Variants in C2CD5 observed in about 807,000 individuals in gnomAD.
C2CD5 encodes the protein C2 domain-containing protein 5.
In C2CD5, 109 loss-of-function variants were observed where a neutral mutation model predicts 130.3. That is an observed-to-expected ratio of 0.84 (90% CI 0.72 to 0.98). C2CD5 has a LOEUF of 0.98. C2CD5 is among the 50% of genes least tolerant of loss of function. The pLI, the probability that C2CD5 is intolerant of heterozygous loss-of-function variation, is 0.00. For synonymous variants in C2CD5, 454 were observed against 429.2 expected (o/e 1.06, Z -0.71); for missense variants, 996 against 1,261.8 (o/e 0.79, Z 3.19).
chr12:22,507,234 G>A (rs1428885574), intron 9 of C2CD5, among the ~76,000 whole-genome samples: 2 of 152,124 alleles, frequency 1.3e-5, no homozygotes, highest in African/African-American at 4.8e-5. Context: ...TAAGACACTG[G>A]TAAAGACTCT....
intron 25 of C2CD5, among the ~76,000 whole-genome samples, chr12:22,454,608 T>C (rs936869047): frequency 6.6e-6 from 1 of 151,792 alleles, no homozygotes; most frequent in Non-Finnish European, 1.5e-5. Flanking sequence ...CATTCACTCC[T>C]TGGTCCCAAC....
intron 16 of C2CD5, among the ~76,000 whole-genome samples, chr12:22,474,131 T>C (rs1943481288): frequency 1.3e-5 from 2 of 152,130 alleles, no homozygotes; most frequent in South Asian, 4.1e-4. Flanking sequence ...TCAACTTACA[T>C]CTTAATCATT....
chr12:22,495,214 C>A (rs979401084), intron 10 of C2CD5, among the ~76,000 whole-genome samples: 2 of 151,972 alleles, frequency 1.3e-5, no homozygotes, highest in Admixed American at 1.3e-4. Context: ...TAATTATGTA[C>A]TATGTTTTTA....
At position 22,524,746 on chromosome 12, in the gene C2CD5, T is replaced by TA. The variant is rs1194584584; in HGVS notation, c.446-120dup. 6 of 630,910 alleles carry TA rather than the reference T, an allele frequency of 9.5e-6. No homozygotes were observed. In the African/African-American group the frequency reaches 1.1e-4, roughly 12 times the overall value. 39.1% of individuals were successfully genotyped at this position (630,910 alleles called of 1,614,324 possible). On this transcript the variant is annotated intron_variant, in intron 5 of 26. Coordinates refer to ENST00000446597, the MANE Select transcript of C2CD5 (RefSeq NM_001286176.2). ...AATACAAGAACATCTTTTACTGTAA[T>TA]ATTTTCAATGTAATTATAATAATAC... is the stretch of plus-strand genomic sequence containing the variant.
intron 9 of C2CD5, among the ~76,000 whole-genome samples, chr12:22,509,653 T>A (rs745710345): frequency 1.3e-5 from 2 of 152,256 alleles, no homozygotes; most frequent in Non-Finnish European, 2.9e-5. Flanking sequence ...GTTAAGTACC[T>A]ATCATCACCA....
chr12:22,544,221 G>A (rs1291417879), intron 1 of C2CD5, 42 bp from the exon 2 acceptor site: 12 of 1,499,612 alleles, frequency 8.0e-6, no homozygotes, highest in Non-Finnish European at 9.2e-6. Flanking sequence ...GCGCGGGGCC[G>A]GCGGGAGAGG....
chr12:22,470,638 G>A (rs1056732089), intron 21 of C2CD5, among the ~76,000 whole-genome samples, 186 bp downstream of exon 21: 8 of 152,018 alleles, frequency 5.3e-5, no homozygotes, highest in Admixed American at 3.3e-4. Flanking sequence ...ACCCAGTCGC[G>A]TGTGAAAAAT....
intron 7 of C2CD5, among the ~76,000 whole-genome samples, chr12:22,520,463 A>C (rs1018632353): frequency 6.6e-6 from 1 of 152,170 alleles, no homozygotes; most frequent in South Asian, 2.1e-4. Flanking sequence ...CTGATTTTGC[A>C]ATAGGAGAAC....
In C2CD5 at chr12:22,485,131, T is replaced by C. The variant is rs181321224; in HGVS notation, c.1359-243A>G. ...TGCAAAGTCATTTTGCACCAATTTA[T>C]TTGTTTGATGACTTACCACCTGACA... On this transcript the variant is annotated intron_variant, in intron 12 of 26. Coordinates refer to ENST00000446597, the MANE Select transcript of C2CD5 (RefSeq NM_001286176.2). 2.6e-5 allele frequency among the ~76,000 whole-genome samples: 4 copies of C among 152,222 alleles called. No individual in the cohort carries two copies. In the East Asian group the frequency reaches 7.7e-4, roughly 29 times the overall value.
At chr12:22,507,912 T>C (rs1948756538) in intron 9 of C2CD5, among the ~76,000 whole-genome samples, 1 of 152,220 alleles carries the variant, frequency 6.6e-6, no homozygotes, top group African/African-American at 2.4e-5. Flanking sequence ...TTATAGTAGT[T>C]ATAAATTTTT....
At chr12:22,461,582 G>T (rs1941170699) in intron 22 of C2CD5, among the ~76,000 whole-genome samples, 1 of 152,154 alleles carries the variant, frequency 6.6e-6, no homozygotes, top group Admixed American at 6.5e-5. Context: ...GATGAATAGA[G>T]TATCTTTGAA....
intron 10 of C2CD5, 82 bp from the exon 11 acceptor site, chr12:22,493,419 A>G: frequency 1.5e-6 from 1 of 681,960 alleles, no homozygotes; most frequent in South Asian, 2.3e-5. Flanking sequence ...TAAACATACT[A>G]TGGGAAGTAA....
chr12:22,541,419 A>C (rs1467615510), intron 2 of C2CD5, among the ~76,000 whole-genome samples: 1 of 152,182 alleles, frequency 6.6e-6, no homozygotes, highest in Non-Finnish European at 1.5e-5. Flanking sequence ...AGGGCTTCTC[A>C]ATGAATTTAG....
chr12:22,471,489 C>T lies in C2CD5; in HGVS notation c.2269-1G>A. The T allele has an allele frequency of 1.3e-6, 2 of 1,535,452 alleles. No homozygotes were observed. Among genetic ancestry groups the T allele is most frequent in the Non-Finnish European group, 1.8e-6 (2 of 1,130,790 alleles). On this transcript the variant is annotated splice_acceptor_variant, in intron 19 of 26. Transcript: ENST00000446597. LOFTEE classifies it high-confidence loss of function. Reference sequence around the variant, plus strand: ...TAGATCGTAGTTTAAAGTACAGGCTCTACACAATAGAAAATATTAGTAATG... The same window carrying T: ...TAGATCGTAGTTTAAAGTACAGGCTTTACACAATAGAAAATATTAGTAATG...
chr12:22,476,360 G>T (rs1371005785), intron 15 of C2CD5, among the ~76,000 whole-genome samples: 2 of 152,064 alleles, frequency 1.3e-5, no homozygotes, highest in African/African-American at 4.8e-5. Context: ...GAGAGATTAT[G>T]CTAAAAGACT....
At chr12:22,503,957 T>C (rs1209967493) in intron 10 of C2CD5, among the ~76,000 whole-genome samples, 1 of 152,180 alleles carries the variant, frequency 6.6e-6, no homozygotes, top group Non-Finnish European at 1.5e-5. Flanking sequence ...TGGGAAATAA[T>C]CCATTAATAA....
intron 7 of C2CD5, chr12:22,519,374 A>C: frequency 1.7e-6 from 1 of 600,560 alleles, no homozygotes; most frequent in Non-Finnish European, 2.6e-6. Flanking sequence ...GCATGCAAAA[A>C]ACAAGTTGAA....
In C2CD5 at chr12:22,504,670, C is replaced by T. The variant is rs1314579467; in HGVS notation, c.1147+2041G>A. On this transcript the variant is annotated intron_variant, in intron 10 of 26. Transcript: ENST00000446597. ...TAAATATACTCCTGAAACCATGTTT[C>T]GAACTATCAGATCAGTGGGTGCCAT... 3.3e-5 allele frequency among the ~76,000 whole-genome samples: 5 copies of T among 152,138 alleles called. No individual in the cohort carries two copies. In the South Asian group the frequency reaches 8.3e-4, roughly 25 times the overall value.
rs777230734 is a variant in C2CD5 at position 22,484,894 on chromosome 12, T to C, written c.1359-6A>G. On this transcript the variant is annotated splice_polypyrimidine_tract_variant and splice_region_variant and intron_variant, in intron 12 of 26. Transcript: ENST00000446597. ...TAGGCAAATTTTCTTCAAGCCTATATAAATAAATAAAAAAATAAGATATTC... is the reference window on the plus strand; with the variant it reads ...TAGGCAAATTTTCTTCAAGCCTATACAAATAAATAAAAAAATAAGATATTC... The C allele has an allele frequency of 6.6e-6, 9 of 1,366,554 alleles. No homozygotes were observed. The South Asian group carries it at 7.9e-5, about 12-fold the overall frequency. The allele number at this position is 1,366,554 out of a possible 1,614,324, so 84.7% of individuals were successfully genotyped here. A position where few individuals can be genotyped will look rare whatever the true frequency, so the allele number is the denominator to read the frequency against.
Sources: gnomAD v4.1 joint callset for allele counts (sites outside exome capture counted in the v4.1 genomes callset) on GRCh38, gnomAD v4.1.1 for gene constraint, MANE v1.5 for transcripts, NCBI Gene and HGNC (gene_info 2026-07-23, HGNC 2026-07-21) for gene names.